The following DLGAP2 variants were observed in gnomAD, a reference collection of about 807,000 sequenced individuals.
DLGAP2 encodes the protein disks large-associated protein 2.
A neutral mutation model predicts 100.3 loss-of-function variants in DLGAP2; 26 were observed. That is an observed-to-expected ratio of 0.26 (90% CI 0.19 to 0.36). The LOEUF (loss-of-function observed/expected upper bound fraction) is 0.36. Among genes scored for constraint, DLGAP2 ranks in the 10% least tolerant of loss-of-function variants. DLGAP2 has a pLI of 1.00. For missense variants in DLGAP2, 1,858 were observed against 1,453.2 expected (o/e 1.28, Z -4.53); for synonymous variants, 886 against 630.1 (o/e 1.41, Z -6.08).
At chr8:825,225 G>T (rs1563051451) in intron 1 of DLGAP2, among the ~76,000 whole-genome samples, 1 of 152,198 alleles carries the variant, frequency 6.6e-6, no homozygotes, top group African/African-American at 2.4e-5. Context: ...GGACGCCTGA[G>T]AACCAAGTAC....
At chr8:1,496,720 G>T (rs1353305521) in intron 3 of DLGAP2, among the ~76,000 whole-genome samples, 1 of 152,204 alleles carries the variant, frequency 6.6e-6, no homozygotes, top group African/African-American at 2.4e-5. Context: ...GATCAGAGAT[G>T]TTAGAAAGTG....
At chr8:856,249 T>C (rs1472142347) in intron 1 of DLGAP2, among the ~76,000 whole-genome samples, 2 of 147,292 alleles carry the variant, frequency 1.4e-5, no homozygotes, top group South Asian at 2.2e-4. Flanking sequence ...AGTGCAATGG[T>C]GCAATCTCAG....
intron 2 of DLGAP2, among the ~76,000 whole-genome samples, chr8:1,233,408 C>T (rs1030618008): frequency 2.0e-5 from 3 of 152,194 alleles, no homozygotes; most frequent in East Asian, 1.9e-4. Context: ...GGAGCAAGGG[C>T]GTGCCTGTCT....
chr8:1,550,393 CCT>C (rs1222969146), intron 5 of DLGAP2, among the ~76,000 whole-genome samples: 4 of 152,170 alleles, frequency 2.6e-5, no homozygotes, highest in African/African-American at 7.2e-5. Context: ...GATCCCGACT[CCT>C]CCTTGGAACC....
chr8:958,616 G>A (rs988284567), intron 2 of DLGAP2, among the ~76,000 whole-genome samples: 1 of 151,426 alleles, frequency 6.6e-6, no homozygotes, highest in African/African-American at 2.4e-5. Flanking sequence ...TTTTCCCGGG[G>A]ATGTTAATGA....
intron 2 of DLGAP2, among the ~76,000 whole-genome samples, chr8:1,163,777 T>C (rs1015876978): frequency 2.6e-5 from 4 of 152,130 alleles, no homozygotes; most frequent in African/African-American, 9.7e-5. Context: ...CTGCCTTCTG[T>C]TTTCTAAATG....
At chr8:1,244,040 C>G (rs1178448604) in intron 2 of DLGAP2, among the ~76,000 whole-genome samples, 2 of 151,988 alleles carry the variant, frequency 1.3e-5, no homozygotes. Flanking sequence ...TGAGTGCCAG[C>G]TCCCAGCCTC....
intron 2 of DLGAP2, among the ~76,000 whole-genome samples, chr8:1,185,709 TCACACACACACA>T: frequency 1.1e-5 from 1 of 87,266 alleles, no homozygotes; most frequent in Admixed American, 1.3e-4. Context: ...ACACTCACAC[TCACACACACACA>T]CACACTCACA....
chr8:770,972 C>T (rs1003543809), intron 1 of DLGAP2, among the ~76,000 whole-genome samples: 4 of 151,508 alleles, frequency 2.6e-5, no homozygotes, highest in African/African-American at 9.7e-5. Context: ...AAACAGGGGT[C>T]TTTAAAATAT....
intron 2 of DLGAP2, among the ~76,000 whole-genome samples, chr8:911,884 C>T (rs761593867): frequency 5.9e-5 from 9 of 152,222 alleles, no homozygotes; most frequent in Non-Finnish European, 1.3e-4. Context: ...GCAGGGAAAA[C>T]TTTGGGAGCT....
chr8:1,557,301 G>A (rs73546203), intron 5 of DLGAP2, among the ~76,000 whole-genome samples: 3 of 152,000 alleles, frequency 2.0e-5, no homozygotes, highest in Non-Finnish European at 4.4e-5. Flanking sequence ...CACAATAGGG[G>A]CTTTCCATGG....
intron 2 of DLGAP2, chr8:1,246,899 C>CGGCAAG (rs1563036461): frequency 8.4e-6 from 1 of 119,112 alleles, no homozygotes; most frequent in Non-Finnish European, 1.7e-5. Context: ...TGTTGGTGTC[C>CGGCAAG]AGCAAGACCT....
In DLGAP2 at chr8:1,529,829, C is replaced by T. The variant is rs1303438935; in HGVS notation, c.173-18797C>T. Reference sequence around the variant, plus strand: ...AAAAGAGAGAAATTTTAAAGCTGGGCATCCGGGGAGACATCACATGTCGGT... The same window carrying T: ...AAAAGAGAGAAATTTTAAAGCTGGGTATCCGGGGAGACATCACATGTCGGT... On this transcript the variant is annotated intron_variant, in intron 4 of 14. Coordinates refer to ENST00000637795, the MANE Select transcript of DLGAP2 (RefSeq NM_001346810.2). 5.3e-5 allele frequency among the ~76,000 whole-genome samples: 8 copies of T among 152,148 alleles called. No individual in the cohort carries two copies. In the East Asian group the frequency reaches 1.4e-3, roughly 26 times the overall value.
intron 1 of DLGAP2, among the ~76,000 whole-genome samples, chr8:838,131 ACTC>A (rs1268289655): frequency 3.3e-5 from 5 of 151,448 alleles, no homozygotes; most frequent in African/African-American, 1.2e-4. Flanking sequence ...ATTTATGCAG[ACTC>A]CTGATGATGT....
At chr8:1,507,771 C>T (rs1023894838) in intron 4 of DLGAP2, among the ~76,000 whole-genome samples, 3 of 152,032 alleles carry the variant, frequency 2.0e-5, no homozygotes, top group African/African-American at 7.3e-5. Flanking sequence ...AGTCTTCCTC[C>T]TTCACCCACG....
chr8:1,474,853 C>T (rs1459942155), intron 3 of DLGAP2, among the ~76,000 whole-genome samples: 4 of 152,166 alleles, frequency 2.6e-5, no homozygotes, highest in African/African-American at 9.7e-5. Flanking sequence ...AGTTGAACTA[C>T]CGTTTGACCC....
chr8:1,470,321 A>T (rs1026851285), intron 3 of DLGAP2, among the ~76,000 whole-genome samples: 1 of 152,172 alleles, frequency 6.6e-6, no homozygotes, highest in African/African-American at 2.4e-5. Context: ...GCCATCCTTC[A>T]TCCCTCAGCT....
At chr8:1,555,735 G>A (rs367830932) in intron 5 of DLGAP2, among the ~76,000 whole-genome samples, 1 of 152,250 alleles carries the variant, frequency 6.6e-6, no homozygotes, top group African/African-American at 2.4e-5. Context: ...TCGCTGGGCT[G>A]TGTCACATCT....
intron 3 of DLGAP2, among the ~76,000 whole-genome samples, chr8:1,350,891 TGC>T: frequency 1.8e-5 from 2 of 109,888 alleles, no homozygotes; most frequent in African/African-American, 7.0e-5. Context: ...GTCCTGACTG[TGC>T]GTGGAAAGGC....
Sources: allele counts gnomAD v4.1 joint callset (sites outside exome capture counted in the v4.1 genomes callset), GRCh38; gene constraint gnomAD v4.1.1; transcripts MANE v1.5; gene names NCBI Gene and HGNC (gene_info 2026-07-23, HGNC 2026-07-21).